XKR6: variants seen among roughly 807,000 people sequenced by gnomAD.
The protein encoded by XKR6 is XK-related protein 6.
XKR6 carries 22 observed loss-of-function variants against 56.7 expected under a neutral mutation model. The ratio of observed to expected loss-of-function variants is 0.39; its 90% CI spans 0.28 to 0.55. XKR6 has a LOEUF of 0.55. Among genes scored for constraint, XKR6 ranks in the 20% least tolerant of loss-of-function variants. XKR6 has a pLI of 0.66. For synonymous variants in XKR6, 524 were observed against 387.8 expected (o/e 1.35, Z -4.13); for missense variants, 852 against 889.0 (o/e 0.96, Z 0.53).
chr8:11,198,268 C>T (rs1179664775), intron 1 of XKR6, among the ~76,000 whole-genome samples: 2 of 152,034 alleles, frequency 1.3e-5, no homozygotes, highest in Non-Finnish European at 2.9e-5. Flanking sequence ...CATGTTCCTG[C>T]AGTATTTCAA....
At chr8:10,983,804 C>T (rs1797789654) in intron 1 of XKR6, among the ~76,000 whole-genome samples, 1 of 151,920 alleles carries the variant, frequency 6.6e-6, no homozygotes, top group Admixed American at 6.6e-5. Context: ...TACAGGTGCC[C>T]GCCACCATGC....
intron 1 of XKR6, among the ~76,000 whole-genome samples, chr8:11,101,327 C>A (rs576879136): frequency 1.3e-5 from 2 of 152,232 alleles, no homozygotes; most frequent in South Asian, 4.2e-4. Context: ...TCATGCAGAG[C>A]GGCCTTGAAA....
intron 1 of XKR6, among the ~76,000 whole-genome samples, chr8:10,965,285 G>C (rs1802184819): frequency 1.3e-5 from 2 of 152,216 alleles, no homozygotes; most frequent in Admixed American, 1.3e-4. Context: ...ATGGATGCAA[G>C]CAGGGCACGT....
chr8:10,986,788 CTT>C (rs879286074), intron 1 of XKR6, among the ~76,000 whole-genome samples: 2 of 142,990 alleles, frequency 1.4e-5, no homozygotes, highest in African/African-American at 2.6e-5. Flanking sequence ...GTTGTTGTTT[CTT>C]TTTTTTTTTT....
intron 1 of XKR6, among the ~76,000 whole-genome samples, chr8:11,150,590 T>G (rs190745663): frequency 6.6e-6 from 1 of 152,234 alleles, no homozygotes; most frequent in East Asian, 1.9e-4. Flanking sequence ...TGGTGGCTCA[T>G]ACTTATAATC....
intron 1 of XKR6, among the ~76,000 whole-genome samples, chr8:11,052,449 C>T (rs1217263167): frequency 6.6e-6 from 1 of 152,206 alleles, no homozygotes; most frequent in African/African-American, 2.4e-5. Context: ...TGTCCAGTTC[C>T]CTGTGGAATC....
At chr8:10,928,630 G>A (rs1401039689) in intron 1 of XKR6, among the ~76,000 whole-genome samples, 3 of 152,158 alleles carry the variant, frequency 2.0e-5, no homozygotes, top group Admixed American at 2.0e-4. Context: ...GACCCTAAGC[G>A]TCGCGGAAAC....
At chr8:10,963,986 G>A (rs1351632686) in intron 1 of XKR6, among the ~76,000 whole-genome samples, 1 of 152,186 alleles carries the variant, frequency 6.6e-6, no homozygotes, top group Non-Finnish European at 1.5e-5. Flanking sequence ...TCTATAAAAT[G>A]GGCAACATAA....
intron 1 of XKR6, among the ~76,000 whole-genome samples, chr8:11,015,874 G>T (rs757469888): frequency 6.6e-6 from 1 of 152,176 alleles, no homozygotes; most frequent in African/African-American, 2.4e-5. Flanking sequence ...TGCTGTGCCC[G>T]AGGCGCCCCA....
intron 1 of XKR6, among the ~76,000 whole-genome samples, chr8:10,985,615 A>G (rs1450557196): frequency 6.6e-6 from 1 of 150,906 alleles, no homozygotes; most frequent in Admixed American, 6.6e-5. Context: ...AAAAAAAAGC[A>G]AAAGCAAAAA....
At chr8:11,076,295 G>C (rs1800272734) in intron 1 of XKR6, among the ~76,000 whole-genome samples, 1 of 152,194 alleles carries the variant, frequency 6.6e-6, no homozygotes, top group African/African-American at 2.4e-5. Flanking sequence ...GGAGTGGATG[G>C]TGGTGATGGT....
intron 1 of XKR6, among the ~76,000 whole-genome samples, chr8:11,008,621 C>T (rs1798428657): frequency 6.6e-6 from 1 of 151,948 alleles, no homozygotes; most frequent in Non-Finnish European, 1.5e-5. Flanking sequence ...GACCCCATTA[C>T]CCAGGTTGGG....
At chr8:11,066,962 A>G (rs1055097896) in intron 1 of XKR6, 4 of 152,248 alleles carry the variant, frequency 2.6e-5, no homozygotes, top group African/African-American at 9.7e-5. Flanking sequence ...CTCCCACTGC[A>G]TCGTGCGAGA....
intron 1 of XKR6, among the ~76,000 whole-genome samples, chr8:11,178,427 A>G (rs1399465761): frequency 1.3e-5 from 2 of 151,740 alleles, no homozygotes; most frequent in East Asian, 3.9e-4. Context: ...TTCCAACCAG[A>G]AAGAACTTTT....
intron 1 of XKR6, among the ~76,000 whole-genome samples, chr8:10,971,548 A>G (rs1175031512): frequency 6.6e-6 from 1 of 152,132 alleles, no homozygotes; most frequent in Non-Finnish European, 1.5e-5. Flanking sequence ...AGAACATGAA[A>G]ACTAAAGGAG....
chr8:11,174,892 A>T (rs1802579688), intron 1 of XKR6, among the ~76,000 whole-genome samples: 1 of 152,234 alleles, frequency 6.6e-6, no homozygotes, highest in Admixed American at 6.5e-5. Context: ...ACAAGACAGT[A>T]TTTAACTAAA....
At chr8:11,107,271 C>T (rs1031187486) in intron 1 of XKR6, among the ~76,000 whole-genome samples, 4 of 151,824 alleles carry the variant, frequency 2.6e-5, no homozygotes, top group Admixed American at 1.3e-4. Context: ...ACGATCACAG[C>T]TCACTGCATG....
chr8:10,922,500 G>T (rs77666508), intron 2 of XKR6, among the ~76,000 whole-genome samples: 18,714 of 152,276 alleles, frequency 0.12, 1,355 homozygotes, highest in South Asian at 0.17. Context: ...GCAAGAATGC[G>T]CATTTCAAAG....
chr8:10,926,283 C>G (rs1800881171), intron 1 of XKR6, among the ~76,000 whole-genome samples: 3 of 152,234 alleles, frequency 2.0e-5, no homozygotes, highest in Admixed American at 2.0e-4. Context: ...TGGTCCTCCA[C>G]TGTCTACTCT....
Sources: allele counts gnomAD v4.1 joint callset (sites outside exome capture counted in the v4.1 genomes callset), GRCh38; gene constraint gnomAD v4.1.1; transcripts MANE v1.5; gene names NCBI Gene and HGNC (gene_info 2026-07-23, HGNC 2026-07-21).